KRABD5: variants seen among roughly 807,000 people sequenced by gnomAD.
The protein encoded by KRABD5 is KRAB domain-containing protein 5.
chr16:31,727,473 A>T, the KRABD5 span, among the ~76,000 whole-genome samples: 1 of 152,218 alleles, frequency 6.6e-6, no homozygotes, highest in South Asian at 2.1e-4. Flanking sequence ...TGCTGAGAGG[A>T]GCAGTTCTGC....
the KRABD5 span, chr16:31,713,420 C>T: frequency 4.5e-5 from 73 of 1,605,612 alleles, no homozygotes; most frequent in African/African-American, 6.5e-4. Flanking sequence ...CAGGACATCC[C>T]GGAAGCTGGG....
At chr16:31,733,256 G>A in the KRABD5 span, among the ~76,000 whole-genome samples, 1 of 151,610 alleles carries the variant, frequency 6.6e-6, no homozygotes, top group Non-Finnish European at 1.5e-5. Context: ...GCTTTATTCT[G>A]TCTAGATGAG....
chr16:31,739,018 C>A, the KRABD5 span, among the ~76,000 whole-genome samples: 2 of 152,154 alleles, frequency 1.3e-5, no homozygotes, highest in Admixed American at 6.5e-5. Flanking sequence ...TCCATTAGCA[C>A]AGATTTGTGG....
chr16:31,716,997 G>GTTTTTTTTTTTTTTTTTTTTTTTTTTT, the KRABD5 span, among the ~76,000 whole-genome samples: 2 of 81,164 alleles, frequency 2.5e-5, no homozygotes, highest in Non-Finnish European at 2.3e-5. Flanking sequence ...GTCAGTCTTT[G>GTTTTTTTTTTTTTTTTTTTTTTTTTTT]TTTTTTTTTT....
the KRABD5 span, among the ~76,000 whole-genome samples, chr16:31,733,337 T>C: frequency 4.8e-4 from 73 of 152,306 alleles, no homozygotes; most frequent in African/African-American, 1.6e-3. Flanking sequence ...AGGAACACTT[T>C]TGTTCTTTGA....
chr16:31,758,094 G>A, the KRABD5 span: 5 of 152,250 alleles, frequency 3.3e-5, no homozygotes, highest in South Asian at 1.0e-3. Flanking sequence ...TTCATTAAAA[G>A]GACCCAAGGG....
At chr16:31,728,359 A>G in the KRABD5 span, among the ~76,000 whole-genome samples, 2 of 151,970 alleles carry the variant, frequency 1.3e-5, no homozygotes, top group Non-Finnish European at 2.9e-5. Flanking sequence ...GTTCATGTTC[A>G]AGTTTCTTGA....
At chr16:31,722,556 A>G in the KRABD5 span, 4 of 1,573,618 alleles carry the variant, frequency 2.5e-6, no homozygotes, top group East Asian at 9.2e-5. Context: ...CTCTTATTTC[A>G]TCTTGGTTTG....
the KRABD5 span, among the ~76,000 whole-genome samples, chr16:31,726,702 G>A: frequency 6.6e-6 from 1 of 152,170 alleles, no homozygotes; most frequent in Non-Finnish European, 1.5e-5. Flanking sequence ...GGAGGTTGCA[G>A]TGAGCCAAGA....
At chr16:31,724,704 G>GA in the KRABD5 span, among the ~76,000 whole-genome samples, 111,021 of 144,218 alleles carry the variant, frequency 0.77, 42,665 homozygotes, top group South Asian at 0.82. Flanking sequence ...AAAAAAAAAA[G>GA]AAAAAAAAAA....
the KRABD5 span, among the ~76,000 whole-genome samples, chr16:31,716,287 C>T: frequency 6.6e-6 from 1 of 152,218 alleles, no homozygotes; most frequent in African/African-American, 2.4e-5. Context: ...ATAGCCTTGC[C>T]TGGGCCAGTA....
At chr16:31,740,540 G>GT in the KRABD5 span, among the ~76,000 whole-genome samples, 1 of 152,078 alleles carries the variant, frequency 6.6e-6, no homozygotes, top group Non-Finnish European at 1.5e-5. Flanking sequence ...AGGCAGAGTG[G>GT]TGTGTGCATG....
chr16:31,754,282 A>G, the KRABD5 span: 2 of 627,278 alleles, frequency 3.2e-6, no homozygotes, highest in Non-Finnish European at 5.6e-6. Flanking sequence ...TTCACCAACA[A>G]ATAACACCTC....
the KRABD5 span, among the ~76,000 whole-genome samples, chr16:31,751,073 T>G: frequency 1.3e-4 from 20 of 152,220 alleles, no homozygotes; most frequent in Admixed American, 1.3e-4. Context: ...AAATTTTGAT[T>G]CTATATGGTG....
chr16:31,739,365 T>C, the KRABD5 span, among the ~76,000 whole-genome samples: 1 of 152,320 alleles, frequency 6.6e-6, no homozygotes, highest in East Asian at 1.9e-4. Context: ...ACTTTGAATA[T>C]ATCATTCTTC....
chr16:31,734,292 C>T, the KRABD5 span, among the ~76,000 whole-genome samples: 371 of 151,432 alleles, frequency 2.4e-3, no homozygotes, highest in Non-Finnish European at 3.7e-3. Context: ...ACTGTGTTAC[C>T]CAGGCTGAAG....
the KRABD5 span, among the ~76,000 whole-genome samples, chr16:31,714,624 A>G: frequency 0.013 from 1,934 of 152,332 alleles, 16 homozygotes; most frequent in Non-Finnish European, 0.022. Flanking sequence ...CTGACTAGGC[A>G]TAGAAGACCT....
At chr16:31,740,264 G>GT in the KRABD5 span, among the ~76,000 whole-genome samples, 2 of 152,028 alleles carry the variant, frequency 1.3e-5, no homozygotes, top group Admixed American at 6.6e-5. Context: ...TAGACACTCT[G>GT]TTTTTTTATT....
At chr16:31,740,657 T>G in the KRABD5 span, among the ~76,000 whole-genome samples, 1 of 151,722 alleles carries the variant, frequency 6.6e-6, no homozygotes, top group Non-Finnish European at 1.5e-5. Flanking sequence ...AATTAGTTGT[T>G]GTGGCATGTG....
Sources: gnomAD v4.1 joint callset for allele counts (sites outside exome capture counted in the v4.1 genomes callset) on GRCh38, gnomAD v4.1.1 for gene constraint, MANE v1.5 for transcripts, NCBI Gene and HGNC (gene_info 2026-07-23, HGNC 2026-07-21) for gene names.